The following ABI1 variants were observed in gnomAD, a reference collection of about 807,000 sequenced individuals.
ABI1 encodes the protein Abelson interactor 1.
In ABI1, 14 loss-of-function variants were observed where a neutral mutation model predicts 54.6. The ratio of observed to expected loss-of-function variants is 0.26; its 90% CI spans 0.17 to 0.40. The LOEUF is 0.40. ABI1 is among the 10% of genes least tolerant of loss of function. The pLI, the probability that ABI1 is intolerant of heterozygous loss-of-function variation, is 1.00. For synonymous variants in ABI1, 194 were observed against 209.3 expected (o/e 0.93, Z 0.63); for missense variants, 443 against 598.3 (o/e 0.74, Z 2.71).
chr10:26,845,741 T>C (rs2049925004), intron 1 of ABI1, among the ~76,000 whole-genome samples: 1 of 152,206 alleles, frequency 6.6e-6, no homozygotes, highest in Non-Finnish European at 1.5e-5. Flanking sequence ...GTTGAATGAA[T>C]CTTTCTCTAT....
At chr10:26,855,964 C>T (rs1377831707) in intron 1 of ABI1, among the ~76,000 whole-genome samples, 26 of 110,202 alleles carry the variant, frequency 2.4e-4, no homozygotes, top group African/African-American at 1.1e-3. Flanking sequence ...GAGCAAGACT[C>T]CATCTCAAAA....
At chr10:26,835,658 T>C (rs905787308) in intron 1 of ABI1, among the ~76,000 whole-genome samples, 2 of 152,096 alleles carry the variant, frequency 1.3e-5, no homozygotes, top group African/African-American at 4.8e-5. Context: ...AGGAAATATA[T>C]TGATACATGA....
At position 26,764,855 on chromosome 10, in the gene ABI1, C is replaced by T. The variant is rs183723810; in HGVS notation, c.820+363G>A. 5.9e-5 allele frequency among the ~76,000 whole-genome samples: 9 copies of T among 152,240 alleles called. No homozygotes were observed. The East Asian group carries it at 1.4e-3, about 23-fold the overall frequency. On this transcript the variant is annotated intron_variant, in intron 7 of 10. Coordinates refer to ENST00000376140, the MANE Select transcript of ABI1 (RefSeq NM_001012750.3). ...GATGTGTGTAGGTTATATGCAAATA[C>T]TACACCAGTTTATAGAAAGGACTTG... is the stretch of plus-strand genomic sequence containing the variant.
chr10:26,794,743 C>T (rs1843915432), intron 2 of ABI1, among the ~76,000 whole-genome samples: 1 of 151,914 alleles, frequency 6.6e-6, no homozygotes, highest in South Asian at 2.1e-4. Flanking sequence ...TATTGTTTCC[C>T]AGTTCTTATT....
chr10:26,770,195 C>T (rs1183345606), intron 5 of ABI1, 50 bp downstream of exon 5: 2 of 1,486,146 alleles, frequency 1.3e-6, no homozygotes, highest in Non-Finnish European at 1.9e-6. Flanking sequence ...ACAGAAACAT[C>T]TTTTCCTTTA....
rs1165253777 is a variant in ABI1, at chr10:26,761,659, T to TACAC, written c.821-2422_821-2421insGTGT. ...ATATATATATATATATATATATATA[T>TACAC]ATACACACACACATACACATATATA... On this transcript the variant is annotated intron_variant, in intron 7 of 10. Transcript: ENST00000376140. 1.7e-3 allele frequency among the ~76,000 whole-genome samples: 151 copies of TACAC among 88,126 alleles called. 1 individual carries two copies. Among genetic ancestry groups the TACAC allele is most frequent in the Admixed American group, 4.1e-3 (37 of 9,022 alleles). The allele number at this position is 88,126 out of a possible 152,430, so 57.8% of individuals were successfully genotyped here. A position where few individuals can be genotyped will look rare whatever the true frequency, so the allele number is the denominator to read the frequency against.
chr10:26,839,350 G>T (rs1191936344), intron 1 of ABI1, among the ~76,000 whole-genome samples: 1 of 152,024 alleles, frequency 6.6e-6, no homozygotes, highest in Non-Finnish European at 1.5e-5. Flanking sequence ...ATAAAAATTA[G>T]CCAGGCATGG....
chr10:26,794,518 G>A (rs1318232480), intron 2 of ABI1, among the ~76,000 whole-genome samples: 1 of 151,782 alleles, frequency 6.6e-6, no homozygotes, highest in African/African-American at 2.4e-5. Context: ...ATAGGTGGTT[G>A]TACCATTTAC....
chr10:26,799,473 G>A (rs1349051182), intron 2 of ABI1, among the ~76,000 whole-genome samples: 3 of 152,096 alleles, frequency 2.0e-5, no homozygotes, highest in Non-Finnish European at 4.4e-5. Context: ...TCGGGGGAGG[G>A]GGGAAATTAG....
intron 2 of ABI1, among the ~76,000 whole-genome samples, chr10:26,801,352 G>C (rs1442906367): frequency 6.6e-6 from 1 of 152,080 alleles, no homozygotes; most frequent in Non-Finnish European, 1.5e-5. Flanking sequence ...TTTGAGACCA[G>C]CCTGGGCAAT....
At chr10:26,793,680 T>C (rs1843752536) in intron 2 of ABI1, among the ~76,000 whole-genome samples, 1 of 152,252 alleles carries the variant, frequency 6.6e-6, no homozygotes. Flanking sequence ...CTTTTTTGCC[T>C]AATTTAGTGA....
At chr10:26,850,786 A>T (rs903454524) in intron 1 of ABI1, among the ~76,000 whole-genome samples, 3 of 152,000 alleles carry the variant, frequency 2.0e-5, no homozygotes, top group African/African-American at 4.8e-5. Flanking sequence ...GGCACCTGTG[A>T]TTCAAACAAG....
intron 10 of ABI1, among the ~76,000 whole-genome samples, chr10:26,750,080 A>G (rs1837418186): frequency 6.6e-6 from 1 of 152,238 alleles, no homozygotes; most frequent in South Asian, 2.1e-4. Flanking sequence ...ATGGGTAAAA[A>G]CACAATTCAA....
chr10:26,757,782 T>A (rs1220277285), intron 8 of ABI1, among the ~76,000 whole-genome samples: 1 of 151,786 alleles, frequency 6.6e-6, no homozygotes, highest in Non-Finnish European at 1.5e-5. Flanking sequence ...AACAAAAAAC[T>A]AATGAGAACT....
intron 1 of ABI1, among the ~76,000 whole-genome samples, chr10:26,852,246 G>C (rs1487924731): frequency 1.3e-5 from 2 of 152,120 alleles, no homozygotes; most frequent in East Asian, 3.9e-4. Flanking sequence ...TTGGGAGGCC[G>C]AGATGGGTGG....
intron 2 of ABI1, among the ~76,000 whole-genome samples, chr10:26,821,525 C>T (rs559762117): frequency 6.6e-6 from 1 of 152,196 alleles, no homozygotes; most frequent in East Asian, 1.9e-4. Context: ...AGGCAGGGTG[C>T]TGTCGCTCAA....
intron 8 of ABI1, among the ~76,000 whole-genome samples, chr10:26,757,419 C>CG (rs397699983): frequency 3.2e-5 from 1 of 31,236 alleles, no homozygotes; most frequent in Non-Finnish European, 4.7e-5. Context: ...AAAAAAGTCA[C>CG]AAAAATCCTA....
chr10:26,820,286 CA>C (rs2047886198), intron 2 of ABI1, among the ~76,000 whole-genome samples: 2 of 152,024 alleles, frequency 1.3e-5, no homozygotes, highest in Admixed American at 1.3e-4. Flanking sequence ...CAAAACATCA[CA>C]TTGTACATCT....
chr10:26,818,774 G>T (rs903916402), intron 2 of ABI1, among the ~76,000 whole-genome samples: 1 of 152,010 alleles, frequency 6.6e-6, no homozygotes, highest in Non-Finnish European at 1.5e-5. Flanking sequence ...GGTGGATCAC[G>T]AGGTCAGGGG....
Sources: allele counts gnomAD v4.1 joint callset (sites outside exome capture counted in the v4.1 genomes callset), GRCh38; gene constraint gnomAD v4.1.1; transcripts MANE v1.5; gene names NCBI Gene and HGNC (gene_info 2026-07-23, HGNC 2026-07-21).